Variants in RORA observed in about 807,000 individuals in gnomAD.
The protein encoded by RORA is nuclear receptor ROR-alpha.
In RORA, 7 loss-of-function variants were observed where a neutral mutation model predicts 69.5. The ratio of observed to expected loss-of-function variants is 0.10; its 90% CI spans 0.06 to 0.19. RORA has a LOEUF of 0.19. RORA is among the 10% of genes least tolerant of loss of function. The pLI is 1.00. For synonymous variants in RORA, 261 were observed against 240.8 expected (o/e 1.08, Z -0.78); for missense variants, 457 against 663.0 (o/e 0.69, Z 3.41).
At chr15:60,533,292 T>C (rs529618050) in intron 2 of RORA, among the ~76,000 whole-genome samples, 6 of 152,290 alleles carry the variant, frequency 3.9e-5, no homozygotes, top group African/African-American at 1.4e-4. Flanking sequence ...TTGTTCCAGA[T>C]CTCACATCCA....
chr15:61,149,899 G>T (rs1015064922), intron 1 of RORA, among the ~76,000 whole-genome samples: 4 of 152,198 alleles, frequency 2.6e-5, no homozygotes, highest in African/African-American at 9.6e-5. Context: ...GGAAAGAACA[G>T]ATATCGGACT....
At position 61,219,001 on chromosome 15, in the gene RORA, G is replaced by A. The variant is rs143514055; in HGVS notation, c.166+10052C>T. Among the ~76,000 whole-genome samples, 58 of 152,248 alleles carry A rather than the reference G, an allele frequency of 3.8e-4. No individual in the cohort carries two copies. The East Asian group carries it at 9.8e-3, about 26-fold the overall frequency. On this transcript the variant is annotated intron_variant, in intron 1 of 10. Transcript: ENST00000335670. ...CTCTGGTGAGCACTAAGCATGAGATGCTCAACTCTATACCTATTAATAGAA... is the reference window on the plus strand; with the variant it reads ...CTCTGGTGAGCACTAAGCATGAGATACTCAACTCTATACCTATTAATAGAA...
intron 1 of RORA, among the ~76,000 whole-genome samples, chr15:60,780,889 T>C (rs1178020659): frequency 6.6e-6 from 1 of 152,234 alleles, no homozygotes; most frequent in African/African-American, 2.4e-5. Context: ...TGATAAAAGC[T>C]GATTTTTACT....
At chr15:60,781,799 C>T (rs1472305418) in intron 1 of RORA, among the ~76,000 whole-genome samples, 1 of 152,202 alleles carries the variant, frequency 6.6e-6, no homozygotes, top group Non-Finnish European at 1.5e-5. Flanking sequence ...TGTTTGTTTC[C>T]CATTTAGTTT....
chr15:60,601,525 C>A (rs947439790), intron 2 of RORA, among the ~76,000 whole-genome samples: 4 of 152,068 alleles, frequency 2.6e-5, no homozygotes, highest in Non-Finnish European at 4.4e-5. Flanking sequence ...TCAAAGCTGA[C>A]GTTCCTAAAA....
chr15:60,647,357 T>C (rs16942892), intron 2 of RORA, among the ~76,000 whole-genome samples: 3,331 of 152,318 alleles, frequency 0.022, 47 homozygotes, highest in African/African-American at 0.045. Context: ...CAGAGACTTA[T>C]GAAGCCCTGC....
chr15:60,531,099 C>T lies in RORA; in HGVS notation c.282+667G>A, dbSNP rs1163922561. 4 of 152,220 alleles carry T rather than the reference C, an allele frequency of 2.6e-5. No individual in the cohort carries two copies. Among genetic ancestry groups the T allele is most frequent in the African/African-American group, 9.7e-5 (4 of 41,432 alleles). The allele number at this position is 152,220 out of a possible 1,614,324, so 9.4% of individuals were successfully genotyped here. On this transcript the variant is annotated intron_variant, in intron 3 of 10. Coordinates refer to ENST00000335670, the MANE Select transcript of RORA (RefSeq NM_134261.3). This position sits in a 1 kb window ranked among gnomAD's most constrained non-coding sequence, Gnocchi z 4.8. ...GTCAGAAATAATAAAATAGTCATAG[C>T]AGAAATAATACTGATAATATTTAGA...
intron 1 of RORA, among the ~76,000 whole-genome samples, chr15:60,747,433 T>C (rs1032175226): frequency 5.9e-5 from 9 of 152,268 alleles, no homozygotes; most frequent in Admixed American, 5.2e-4. Context: ...AGCAAAGATA[T>C]CGAAACAGAT....
Position 61,021,349 on chromosome 15 carries a change from A to G in RORA, c.166+207704T>C, listed in dbSNP as rs571639467. Among the ~76,000 whole-genome samples, 12 of 152,344 alleles carry G rather than the reference A, an allele frequency of 7.9e-5. No individual in the cohort carries two copies. In the South Asian group the frequency reaches 1.7e-3, roughly 21 times the overall value. On this transcript the variant is annotated intron_variant, in intron 1 of 10. Transcript: ENST00000335670. ...AAACCCTAAATACACCGTCAGTATC[A>G]CTGCCTAAACTTAGAATTGTCCTTT... is the stretch of plus-strand genomic sequence containing the variant.
chr15:61,125,152 C>T lies in RORA; in HGVS notation c.166+103901G>A, dbSNP rs143062205. ...TGTACCTTTTTGGTCCACTAAATGT[C>T]ATATTTTACATCTATTAACACTAGT... On this transcript the variant is annotated intron_variant, in intron 1 of 10. Coordinates refer to ENST00000335670, the MANE Select transcript of RORA (RefSeq NM_134261.3). 2.9e-3 allele frequency among the ~76,000 whole-genome samples: 438 copies of T among 152,304 alleles called. 6 individuals are homozygous for T. Among genetic ancestry groups the T allele is most frequent in the African/African-American group, 0.01 (430 of 41,576 alleles).
intron 1 of RORA, among the ~76,000 whole-genome samples, chr15:61,080,852 T>C (rs1424635927): frequency 1.3e-5 from 2 of 152,212 alleles, no homozygotes; most frequent in Non-Finnish European, 2.9e-5. Flanking sequence ...CAGTATCTTC[T>C]TGCTCTCCTG....
chr15:60,754,742 G>C (rs914763912), intron 1 of RORA, among the ~76,000 whole-genome samples: 2 of 152,180 alleles, frequency 1.3e-5, no homozygotes, highest in African/African-American at 2.4e-5. Flanking sequence ...TCTGGTCCTA[G>C]TCCTTTCTTA....
chr15:60,796,442 C>A (rs2072497615), intron 1 of RORA, among the ~76,000 whole-genome samples: 1 of 151,588 alleles, frequency 6.6e-6, no homozygotes, highest in African/African-American at 2.4e-5. Flanking sequence ...TTTGGGAAAA[C>A]AAATTACTCT....
chr15:61,120,551 AT>A (rs2079093178), intron 1 of RORA, among the ~76,000 whole-genome samples: 1 of 151,912 alleles, frequency 6.6e-6, no homozygotes, highest in Admixed American at 6.5e-5. Context: ...TGCAAAAAAA[AT>A]TAGCCAGGTG....
chr15:60,926,446 CCCCCATCTTGCTCAA>C (rs1205578851), intron 1 of RORA, among the ~76,000 whole-genome samples: 2 of 152,236 alleles, frequency 1.3e-5, no homozygotes, highest in Non-Finnish European at 2.9e-5. Context: ...GTTATCCCAG[CCCCCATCTTGCTCAA>C]CCCCAACCTT....
chr15:60,735,898 T>G (rs2071490957), intron 1 of RORA, among the ~76,000 whole-genome samples: 1 of 152,230 alleles, frequency 6.6e-6, no homozygotes, highest in Non-Finnish European at 1.5e-5. Flanking sequence ...GGAGACAGAC[T>G]TATTGACTTG....
At chr15:60,823,703 C>T (rs1398527634) in intron 1 of RORA, among the ~76,000 whole-genome samples, 1 of 152,086 alleles carries the variant, frequency 6.6e-6, no homozygotes, top group African/African-American at 2.4e-5. Flanking sequence ...GGAAGTTTAG[C>T]TTACTGGAGT....
At chr15:61,192,229 C>T (rs2079807184) in intron 1 of RORA, among the ~76,000 whole-genome samples, 1 of 152,246 alleles carries the variant, frequency 6.6e-6, no homozygotes, top group African/African-American at 2.4e-5. Context: ...TTTAGACAGG[C>T]TGCTCTTCGC....
At chr15:60,591,723 C>T (rs1343753893) in intron 2 of RORA, among the ~76,000 whole-genome samples, 1 of 152,130 alleles carries the variant, frequency 6.6e-6, no homozygotes, top group African/African-American at 2.4e-5. Context: ...CTCCCTGGGC[C>T]GCCCAGAGCG....
Sources: gnomAD v4.1 joint callset for allele counts (sites outside exome capture counted in the v4.1 genomes callset) on GRCh38, gnomAD v4.1.1 for gene constraint, Gnocchi (gnomAD v3.1) non-coding constraint, MANE v1.5 for transcripts, NCBI Gene and HGNC (gene_info 2026-07-23, HGNC 2026-07-21) for gene names.